Variants in R3HDM4 observed in about 807,000 individuals in gnomAD.
R3HDM4 encodes R3H domain containing 4.
In R3HDM4, 30 loss-of-function variants were observed where a neutral mutation model predicts 31.3. That is an observed-to-expected ratio of 0.96 (90% CI 0.72 to 1.30). The LOEUF is 1.30. R3HDM4 is among the 50% of genes most tolerant of loss of function. R3HDM4 has a pLI of 0.00. For synonymous variants in R3HDM4, 196 were observed against 156.6 expected (o/e 1.25, Z -1.88); for missense variants, 444 against 366.1 (o/e 1.21, Z -1.74).
chr19:900,291 T>TG (rs2036810316), intron 4 of R3HDM4, 145 bp from the exon 5 acceptor site: 3 of 619,094 alleles, frequency 4.8e-6, no homozygotes, highest in Non-Finnish European at 5.5e-6. Flanking sequence ...AACGATACTG[T>TG]GGCCCCATCC....
At chr19:901,932 A>G in intron 2 of R3HDM4, 44 bp downstream of exon 2, 1 of 1,608,056 alleles carries the variant, frequency 6.2e-7, no homozygotes, top group South Asian at 1.1e-5. Context: ...GCCATTCTAC[A>G]AGGCCCAGGA....
chr19:911,549 C>A (rs1281042712), intron 1 of R3HDM4, among the ~76,000 whole-genome samples: 1 of 152,256 alleles, frequency 6.6e-6, no homozygotes, highest in Non-Finnish European at 1.5e-5. Flanking sequence ...AGCTCGGTAA[C>A]CCCCACCACT....
In R3HDM4 at chr19:900,822, C is replaced by CCCGCACCTCTCCT; in HGVS notation, c.469_475+6dup. ...CCCACCCATACCCGCCCCAGCCAGG[C>CCCGCACCTCTCCT]CCGCACCTCTCCTCCGGTCCTCCCC... On this transcript the variant is annotated splice_region_variant and intron_variant, in intron 4 of 7. Coordinates refer to ENST00000361574, the MANE Select transcript of R3HDM4 (RefSeq NM_138774.4). The CCCGCACCTCTCCT allele has an allele frequency of 6.6e-7, 1 of 1,523,362 alleles. No individual in the cohort carries two copies. The highest frequency in any genetic ancestry group is 8.8e-7 in the Non-Finnish European group (1 of 1,131,384). The allele number at this position is 1,523,362 out of a possible 1,614,324, so 94.4% of individuals were successfully genotyped here.
intron 3 of R3HDM4, chr19:901,214 G>A: frequency 1.5e-6 from 1 of 673,152 alleles, no homozygotes; most frequent in Non-Finnish European, 2.5e-6. Flanking sequence ...AACGTGTTGG[G>A]CAGGTGAATC....
In R3HDM4 at chr19:912,852, G is replaced by A. The variant is rs350156; in HGVS notation, c.71+235C>T. Among the ~76,000 whole-genome samples the A allele has an allele frequency of 2.4e-4, 36 of 151,406 alleles. No individual in the cohort carries two copies. The East Asian group carries it at 5.5e-3, about 23-fold the overall frequency. The stretch of plus-strand genomic sequence containing the variant: ...CCAGCGAGCCCCCGGAGCGCCAGGA[G>A]GGTGTCCCCGCTGAGTAACAATGAA... On this transcript the variant is annotated intron_variant, in intron 1 of 7. Coordinates refer to ENST00000361574, the MANE Select transcript of R3HDM4 (RefSeq NM_138774.4).
chr19:912,800 T>G, intron 1 of R3HDM4, among the ~76,000 whole-genome samples: 2 of 149,464 alleles, frequency 1.3e-5, no homozygotes, highest in African/African-American at 2.5e-5. Flanking sequence ...AACAGGTAAA[T>G]GGGGACGTGG....
chr19:912,367 G>GA (rs1247505822), intron 1 of R3HDM4, among the ~76,000 whole-genome samples: 8 of 118,760 alleles, frequency 6.7e-5, no homozygotes, highest in East Asian at 5.1e-4. Flanking sequence ...GGCGGGCCCG[G>GA]GAGTGGGGGC....
intron 1 of R3HDM4, among the ~76,000 whole-genome samples, chr19:911,896 A>G (rs906882582): frequency 1.3e-5 from 2 of 151,746 alleles, no homozygotes; most frequent in Non-Finnish European, 2.9e-5. Flanking sequence ...GTCTGCCCGG[A>G]AAGGCAGGGG....
chr19:897,457 A>G lies in R3HDM4; in HGVS notation c.787T>C (p.Tyr263His). The G allele has an allele frequency of 6.2e-7, 1 of 1,611,014 alleles. No individual in the cohort carries two copies. The highest frequency in any genetic ancestry group is 8.5e-7 in the Non-Finnish European group (1 of 1,179,072). ...CGCCATCAGCTGTGCTGCTCCAGGT[A>G]GGCGGACAGGAGCAGCCCCGGCGGC... ...FLPPGLLLSAYLEQHS is the reference protein window; with the variant it reads ...FLPPGLLLSAHLEQHS Residue 263 changes from tyrosine (Y) to histidine (H), a missense_variant, in exon 8 of 8, where the codon TAC (tyrosine) becomes CAC (histidine). Coordinates refer to ENST00000361574, the MANE Select transcript of R3HDM4 (RefSeq NM_138774.4).
At chr19:902,354 G>A (rs1010607672) in intron 1 of R3HDM4, 30 of 557,164 alleles carry the variant, frequency 5.4e-5, no homozygotes, top group East Asian at 4.6e-4. Flanking sequence ...TCATGCCGGT[G>A]ATCCCAGCAT....
Position 901,455 on chromosome 19 carries a change from A to T in R3HDM4, c.318T>A (p.Phe106Leu). ...AGGTGGCGTTGTTGCAGGCCTCGGC[A>T]AAGATGCCTGGTGATGCAGGGGGTG... ...DLAPPASPGIFAEACNNATYV... is the reference protein window; with the variant it reads ...DLAPPASPGILAEACNNATYV... The change falls in exon 3 of 8, where the codon TTT becomes TTA. Residue 106 changes from phenylalanine (F) to leucine (L), a missense_variant. Phe to Leu is a conservative substitution (Grantham distance 22). Coordinates refer to ENST00000361574, the MANE Select transcript of R3HDM4 (RefSeq NM_138774.4). 1 of 1,609,200 alleles carries T rather than the reference A, an allele frequency of 6.2e-7. No homozygotes were observed. The highest frequency in any genetic ancestry group is 8.5e-7 in the Non-Finnish European group (1 of 1,179,628).
chr19:910,716 T>C (rs1171249743), intron 1 of R3HDM4, among the ~76,000 whole-genome samples: 1 of 152,158 alleles, frequency 6.6e-6, no homozygotes, highest in Non-Finnish European at 1.5e-5. Context: ...AGACGCATCC[T>C]TTCTCCTTCA....
Position 897,263 on chromosome 19 carries a change from A to G in R3HDM4, c.*174T>C. ...GATGGCATGGGCAGCCCCAGCCGCC[A>G]GCGTCTGTTGACTGCCAAGAGCTGC... On this transcript the variant is annotated 3_prime_UTR_variant, in exon 8 of 8. Transcript: ENST00000361574. 1.8e-6 allele frequency: 1 copy of G among 550,050 alleles called. No individual in the cohort carries two copies. 34.1% of individuals were successfully genotyped at this position (550,050 alleles called of 1,614,324 possible). A position where few individuals can be genotyped will look rare whatever the true frequency, so the allele number is the denominator to read the frequency against.
rs1463944475 is a variant in R3HDM4 at position 897,264 on chromosome 19, GC to G, written c.*172del. On this transcript the variant is annotated 3_prime_UTR_variant, in exon 8 of 8. Coordinates refer to ENST00000361574, the MANE Select transcript of R3HDM4 (RefSeq NM_138774.4). The stretch of plus-strand genomic sequence containing the variant: ...ATGGCATGGGCAGCCCCAGCCGCCA[GC>G]GTCTGTTGACTGCCAAGAGCTGCGT... 7.2e-6 allele frequency: 4 copies of G among 552,698 alleles called. No individual in the cohort carries two copies. The highest frequency in any genetic ancestry group is 1.3e-5 in the Non-Finnish European group (4 of 316,346). The allele number at this position is 552,698 out of a possible 1,614,324, so 34.2% of individuals were successfully genotyped here.
chr19:902,981 G>A (rs939059224), intron 1 of R3HDM4, among the ~76,000 whole-genome samples: 2 of 152,050 alleles, frequency 1.3e-5, no homozygotes, highest in African/African-American at 4.8e-5. Flanking sequence ...TTAGTAAACC[G>A]AGGCTCAGAG....
chr19:899,517 C>A lies in R3HDM4; in HGVS notation c.648-22G>T. On this transcript the variant is annotated intron_variant, in intron 6 of 7. Coordinates refer to ENST00000361574, the MANE Select transcript of R3HDM4 (RefSeq NM_138774.4). This position sits in a 1 kb window ranked among gnomAD's most constrained non-coding sequence, Gnocchi z 6.8. ...GAAGCTGTGGGGAACGGGCAGTGAGCGCCGTGCAGGGGCTGCAGCGTGGGG... is the reference window on the plus strand; with the variant it reads ...GAAGCTGTGGGGAACGGGCAGTGAGAGCCGTGCAGGGGCTGCAGCGTGGGG... The A allele has an allele frequency of 1.2e-6, 2 of 1,613,458 alleles. No homozygotes were observed. The highest frequency in any genetic ancestry group is 1.7e-6 in the Non-Finnish European group (2 of 1,179,832).
intron 4 of R3HDM4, 28 bp downstream of exon 4, chr19:900,784 TCCATACCCTGGCCCCAC>T: frequency 2.0e-6 from 1 of 494,406 alleles, no homozygotes; most frequent in African/African-American, 5.0e-5. Flanking sequence ...CACGCCCCCA[TCCATACCCTGGCCCCAC>T]CCATACCCGC....
chr19:910,031 A>T (rs1599363873), intron 1 of R3HDM4, among the ~76,000 whole-genome samples: 1 of 151,616 alleles, frequency 6.6e-6, no homozygotes, highest in East Asian at 2.0e-4. Flanking sequence ...ACAACAAATT[A>T]AAAAATTAGC....
chr19:902,429 G>C, intron 1 of R3HDM4: 1 of 265,256 alleles, frequency 3.8e-6, no homozygotes, highest in Non-Finnish European at 7.1e-6. Flanking sequence ...GAGCAACATA[G>C]CAAGACTATG....
Sources: allele counts gnomAD v4.1 joint callset (sites outside exome capture counted in the v4.1 genomes callset), GRCh38; gene constraint gnomAD v4.1.1; non-coding constraint Gnocchi (gnomAD v3.1); transcripts MANE v1.5; gene names NCBI Gene and HGNC (gene_info 2026-07-23, HGNC 2026-07-21).